KLHL1: variants seen among roughly 807,000 people sequenced by gnomAD.
The protein encoded by KLHL1 is kelch like family member 1, also known as kelch-like protein 1.
Under a neutral mutation model 77.7 loss-of-function variants are expected in KLHL1, and 47 were observed. The observed-to-expected ratio is 0.60, with a 90% CI of 0.48 to 0.77. KLHL1 has a LOEUF of 0.77. Among genes scored for constraint, KLHL1 ranks in the 30% least tolerant of loss-of-function variants. The pLI is 0.00. For missense variants in KLHL1, 925 were observed against 910.8 expected (o/e 1.02, Z -0.20); for synonymous variants, 360 against 325.2 (o/e 1.11, Z -1.15).
At chr13:69,996,702 TATACCAACAC>T (rs2137319899) in intron 1 of KLHL1, among the ~76,000 whole-genome samples, 1 of 152,180 alleles carries the variant, frequency 6.6e-6, no homozygotes, top group Non-Finnish European at 1.5e-5. Context: ...TGATAATGCA[TATACCAACAC>T]ACTTTTCCAT....
At position 69,946,843 on chromosome 13, in the gene KLHL1, A is replaced by G. The variant is rs1883541455; in HGVS notation, c.818-6607T>C. 2.0e-5 allele frequency among the ~76,000 whole-genome samples: 3 copies of G among 152,038 alleles called. 1 individual carries two copies. In the South Asian group the frequency reaches 6.2e-4, roughly 31 times the overall value. On this transcript the variant is annotated intron_variant, in intron 3 of 10. Transcript: ENST00000377844. ...ATTTTTCTGAATGTTTGCAATATAT[A>G]AAACATGATTATAGTCATGACAAGT...
intron 7 of KLHL1, among the ~76,000 whole-genome samples, chr13:69,755,846 T>C (rs1236634270): frequency 6.6e-6 from 1 of 152,192 alleles, no homozygotes; most frequent in Non-Finnish European, 1.5e-5. Context: ...ATGTGGGTAG[T>C]GGAAAAATCA....
chr13:70,055,043 G>A lies in KLHL1; in HGVS notation c.497+52160C>T, dbSNP rs961283578. 2.6e-5 allele frequency among the ~76,000 whole-genome samples: 4 copies of A among 151,784 alleles called. No homozygotes were observed. The East Asian group carries it at 7.7e-4, about 29-fold the overall frequency. ...CGTAATAGAAATCTTTCCAAACCTC[G>A]AGAAAGATACCAATATTAAACAACA... is the stretch of plus-strand genomic sequence containing the variant. On this transcript the variant is annotated intron_variant, in intron 1 of 10. Coordinates refer to ENST00000377844, the MANE Select transcript of KLHL1 (RefSeq NM_020866.3).
chr13:69,735,232 T>C (rs569583686), intron 8 of KLHL1, among the ~76,000 whole-genome samples: 7 of 151,870 alleles, frequency 4.6e-5, no homozygotes, highest in Non-Finnish European at 1.0e-4. Context: ...ATACTGCCTT[T>C]AACCTTAATC....
At chr13:69,917,856 C>A (rs1005266969) in intron 4 of KLHL1, among the ~76,000 whole-genome samples, 2 of 151,956 alleles carry the variant, frequency 1.3e-5, no homozygotes, top group African/African-American at 2.4e-5. Flanking sequence ...TATTTTCATT[C>A]ACATGCGAAG....
intron 6 of KLHL1, 137 bp downstream of exon 6, chr13:69,838,828 AAGGAGATATTT>A (rs1879129275): frequency 2.1e-6 from 1 of 480,216 alleles, no homozygotes; most frequent in African/African-American, 2.0e-5. Flanking sequence ...AGCTACAATT[AAGGAGATATTT>A]AATTTCTCCC....
chr13:69,861,900 G>A (rs1880180835), intron 5 of KLHL1, among the ~76,000 whole-genome samples: 1 of 150,876 alleles, frequency 6.6e-6, no homozygotes, highest in Non-Finnish European at 1.5e-5. Flanking sequence ...GGGAGGCGGA[G>A]GTTGTGGTGA....
chr13:69,729,950 A>T (rs1328580712), intron 8 of KLHL1, among the ~76,000 whole-genome samples: 1 of 152,176 alleles, frequency 6.6e-6, no homozygotes, highest in Non-Finnish European at 1.5e-5. Context: ...GGATTTCTTA[A>T]TATATGATGT....
At chr13:70,026,565 C>T (rs554162236) in intron 1 of KLHL1, among the ~76,000 whole-genome samples, 1 of 152,124 alleles carries the variant, frequency 6.6e-6, no homozygotes, top group African/African-American at 2.4e-5. Flanking sequence ...AATTACTTAA[C>T]CCATTTGGGT....
intron 4 of KLHL1, among the ~76,000 whole-genome samples, chr13:69,901,895 T>C (rs1283981819): frequency 6.6e-6 from 1 of 150,384 alleles, no homozygotes; most frequent in Non-Finnish European, 1.5e-5. Flanking sequence ...CCTCACGGGT[T>C]CAAGCGATTC....
rs1875356915 is a variant in KLHL1, at chr13:69,700,830, A to G, written c.*872T>C. The G allele has an allele frequency of 6.6e-6, 1 of 152,330 alleles. No homozygotes were observed. Among genetic ancestry groups the G allele is most frequent in the Admixed American group, 6.6e-5 (1 of 15,204 alleles). The allele number at this position is 152,330 out of a possible 1,614,324, so 9.4% of individuals were successfully genotyped here. ...TAATGGATCATATGTTTTTCTTTTG[A>G]AATTCTAAGTTTGTTTAAGAACAAA... On this transcript the variant is annotated 3_prime_UTR_variant, in exon 11 of 11. Transcript: ENST00000377844.
intron 1 of KLHL1, among the ~76,000 whole-genome samples, chr13:70,053,920 A>G (rs971390707): frequency 3.3e-5 from 5 of 152,132 alleles, no homozygotes; most frequent in African/African-American, 1.2e-4. Flanking sequence ...TGCTGCTACC[A>G]TAGTCACAAA....
At chr13:70,039,639 T>A (rs1373964688) in intron 1 of KLHL1, among the ~76,000 whole-genome samples, 1 of 124,422 alleles carries the variant, frequency 8.0e-6, no homozygotes, top group Non-Finnish European at 1.9e-5. Context: ...TCCTTGAACT[T>A]TTTTTTTTTT....
At chr13:70,106,808 T>C (rs142208406) in intron 1 of KLHL1, among the ~76,000 whole-genome samples, 7 of 152,286 alleles carry the variant, frequency 4.6e-5, no homozygotes, top group Non-Finnish European at 7.4e-5. Context: ...ACTAGGCCAA[T>C]ATATGAGATG....
chr13:69,910,696 A>T (rs924167779), intron 4 of KLHL1, among the ~76,000 whole-genome samples: 2 of 151,828 alleles, frequency 1.3e-5, no homozygotes, highest in African/African-American at 2.4e-5. Flanking sequence ...TGGAAAACCA[A>T]ATATTTTCAC....
chr13:69,830,962 A>G (rs777427314), intron 6 of KLHL1, among the ~76,000 whole-genome samples: 2 of 149,860 alleles, frequency 1.3e-5, no homozygotes, highest in African/African-American at 2.5e-5. Flanking sequence ...TGATAAAAGG[A>G]AAGTTCATAG....
At chr13:69,855,852 GTTATATAATATA>G (rs1267129442) in intron 5 of KLHL1, among the ~76,000 whole-genome samples, 20 of 126,004 alleles carry the variant, frequency 1.6e-4, no homozygotes, top group African/African-American at 6.5e-4. Context: ...TATTATATAT[GTTATATAATATA>G]TTATATATTA....
At chr13:70,074,843 A>G (rs1593722467) in intron 1 of KLHL1, among the ~76,000 whole-genome samples, 1 of 152,120 alleles carries the variant, frequency 6.6e-6, no homozygotes, top group Non-Finnish European at 1.5e-5. Flanking sequence ...ATTTATCACT[A>G]TTCACAGCAT....
chr13:69,805,843 G>A (rs748814416), intron 6 of KLHL1, among the ~76,000 whole-genome samples: 5 of 151,260 alleles, frequency 3.3e-5, no homozygotes, highest in Non-Finnish European at 7.4e-5. Flanking sequence ...AATGATATTT[G>A]TACAAGGAAT....
Sources: gnomAD v4.1 joint callset for allele counts (sites outside exome capture counted in the v4.1 genomes callset) on GRCh38, gnomAD v4.1.1 for gene constraint, MANE v1.5 for transcripts, NCBI Gene and HGNC (gene_info 2026-07-23, HGNC 2026-07-21) for gene names.